Variants in SWI5 observed in about 807,000 individuals in gnomAD.
SWI5 encodes the protein DNA repair protein SWI5 homolog.
Under a neutral mutation model 17.0 loss-of-function variants are expected in SWI5, and 12 were observed. That is an observed-to-expected ratio of 0.71 (90% CI 0.45 to 1.14). SWI5 has a LOEUF of 1.14. Ranked by LOEUF, SWI5 falls within the 50% of genes most tolerant of loss-of-function variation. The pLI, the probability that SWI5 is intolerant of heterozygous loss-of-function variation, is 0.00. For missense variants in SWI5, 158 were observed against 162.2 expected, an observed-to-expected ratio of 0.97 and a Z score of 0.14; for synonymous variants, 61 against 64.0, an observed-to-expected ratio of 0.95 and a Z score of 0.22.
At chr9:128,275,587 C>T (rs1831281656), upstream of SWI5, 1 of 1,030,946 alleles carries the variant, frequency 9.7e-7, no homozygotes, top group African/African-American at 1.7e-5. Flanking sequence ...GGTCCTAGGT[C>T]CTTGGAGACG....
chr9:128,278,659 C>A, intron 2 of SWI5: 1 of 471,660 alleles, frequency 2.1e-6, no homozygotes, highest in South Asian at 1.5e-5. Context: ...TTTGAGAAGA[C>A]GCTTTACTGT....
rs1360990985 is a variant in SWI5 at position 128,278,282 on chromosome 9, C to T, written c.111+1527C>T. On this transcript the variant is annotated intron_variant, in intron 2 of 4. Coordinates refer to ENST00000418976, the Ensembl canonical transcript of SWI5. The stretch of plus-strand genomic sequence containing the variant: ...CCATTCCTTCCATTTTTAAAAACAA[C>T]GCTCGACCCGGCACAGTGACTCACG... Among the ~76,000 whole-genome samples the T allele has an allele frequency of 3.3e-5, 5 of 150,570 alleles. No individual in the cohort carries two copies. In the South Asian group the frequency reaches 8.8e-4, roughly 27 times the overall value.
chr9:128,279,733 C>T (rs1320615489), intron 2 of SWI5, among the ~76,000 whole-genome samples: 2 of 152,210 alleles, frequency 1.3e-5, no homozygotes, highest in Admixed American at 6.5e-5. Context: ...TGCGGGCCGG[C>T]CTGGATAATA....
chr9:128,276,157 T>TG, upstream of SWI5: 1 of 1,568,744 alleles, frequency 6.4e-7, no homozygotes, highest in South Asian at 1.2e-5. Context: ...TGCAGCGGCG[T>TG]GGCCAGAGGG....
intron 2 of SWI5, among the ~76,000 whole-genome samples, chr9:128,279,527 GGCAGCATAC>G (rs1366947494): frequency 6.6e-6 from 1 of 152,230 alleles, no homozygotes; most frequent in Admixed American, 6.5e-5. Flanking sequence ...AGAGAGGGAA[GGCAGCATAC>G]GTCAGCATTT....
chr9:128,278,414 AAAATTAGC>A (rs1300281925), intron 2 of SWI5, among the ~76,000 whole-genome samples: 2 of 152,134 alleles, frequency 1.3e-5, no homozygotes, highest in African/African-American at 4.8e-5. Flanking sequence ...TAAAAATACA[AAAATTAGC>A]TGAGCATAGT....
exon 2 of SWI5, chr9:128,276,741 G>A (rs1171368219): frequency 6.2e-7 from 1 of 1,612,648 alleles, no homozygotes; most frequent in Admixed American, 1.7e-5. Context: ...TTGCCGCGGG[G>A]CCTTCCGATC....
At chr9:128,275,966 T>TG (rs765291076), upstream of SWI5, 5 of 1,594,700 alleles carry the variant, frequency 3.1e-6, no homozygotes, top group East Asian at 2.3e-5. Context: ...GAGGCGGGGT[T>TG]GGGGCCACAT....
At chr9:128,282,365 C>T (rs967896733) in intron 2 of SWI5, among the ~76,000 whole-genome samples, 4 of 151,230 alleles carry the variant, frequency 2.6e-5, no homozygotes, top group African/African-American at 9.7e-5. Context: ...CCAGCCTGGG[C>T]GACAACGCGA....
chr9:128,281,041 T>C (rs1471111589), intron 2 of SWI5, among the ~76,000 whole-genome samples: 52 of 136,322 alleles, frequency 3.8e-4, no homozygotes, highest in Non-Finnish European at 6.0e-4. Context: ...TTTTTTTTTT[T>C]TTTTTTTTTT....
Position 128,276,761 on chromosome 9 carries a change from T to C in SWI5, c.111+6T>C. On this transcript the variant is annotated splice_donor_region_variant and intron_variant, in intron 2 of 4. Transcript: ENST00000418976. ...GCGGGGCCTTCCGATCCCCTGTGAG[T>C]ATTTCTTCCCCCACACCCCCTTTCC... The C allele has an allele frequency of 6.2e-7, 1 of 1,606,522 alleles. No homozygotes were observed. Among genetic ancestry groups the C allele is most frequent in the South Asian group, 1.1e-5 (1 of 90,596 alleles).
chr9:128,275,535 C>A, upstream of SWI5: 1 of 1,279,954 alleles, frequency 7.8e-7, no homozygotes, highest in Non-Finnish European at 1.0e-6. Context: ...CCGGGAGTCA[C>A]GGGCCCAAAG....
exon 1 of SWI5, chr9:128,276,401 A>G: frequency 6.2e-7 from 1 of 1,612,390 alleles, no homozygotes; most frequent in Non-Finnish European, 8.5e-7. Flanking sequence ...AGGGCTCAGG[A>G]GGTGGGCGAG....
At chr9:128,275,741 G>A, upstream of SWI5, 2 of 597,866 alleles carry the variant, frequency 3.3e-6, no homozygotes, top group Non-Finnish European at 2.9e-6. Flanking sequence ...AGGGGGCGGG[G>A]CTGGCTGACA....
At chr9:128,278,768 GT>G (rs1356309152) in intron 2 of SWI5, 7 of 424,700 alleles carry the variant, frequency 1.6e-5, no homozygotes, top group Admixed American at 3.3e-5. Context: ...GTTGTTTTTG[GT>G]TTTTTTTGTT....
At chr9:128,276,341 C>T in exon 1 of SWI5, 1 of 1,613,324 alleles carries the variant, frequency 6.2e-7, no homozygotes, top group Non-Finnish European at 8.5e-7. Flanking sequence ...GACTCCCGCG[C>T]TGGACCCTCT....
At chr9:128,287,290 CA>C (rs1564375964) in intron 4 of SWI5, among the ~76,000 whole-genome samples, 1 of 150,514 alleles carries the variant, frequency 6.6e-6, no homozygotes, top group Non-Finnish European at 1.5e-5. Context: ...ACTGAAAATA[CA>C]AAAATTAGCT....
chr9:128,276,890 C>G (rs1831408033), intron 2 of SWI5, 135 bp downstream of exon 2: 1 of 911,078 alleles, frequency 1.1e-6, no homozygotes, highest in Admixed American at 2.4e-5. Flanking sequence ...CGACTGAGAA[C>G]CGCCAGGTCA....
At chr9:128,277,390 A>G (rs1313896689) in intron 2 of SWI5, among the ~76,000 whole-genome samples, 3 of 152,086 alleles carry the variant, frequency 2.0e-5, no homozygotes, top group Non-Finnish European at 2.9e-5. Flanking sequence ...TGTCTCTACT[A>G]AAAATACAAA....
Sources: gnomAD v4.1 joint callset for allele counts (sites outside exome capture counted in the v4.1 genomes callset) on GRCh38, gnomAD v4.1.1 for gene constraint, MANE v1.5 for transcripts, NCBI Gene and HGNC (gene_info 2026-07-23, HGNC 2026-07-21) for gene names.